SFI1: variants seen among roughly 807,000 people sequenced by gnomAD.
The protein encoded by SFI1 is SFI1 centrin binding protein, also known as protein SFI1 homolog.
SFI1 carries 195 observed loss-of-function variants against 207.5 expected under a neutral mutation model. That is an observed-to-expected ratio of 0.94 (90% CI 0.84 to 1.06). The LOEUF is 1.06. Among genes scored for constraint, SFI1 ranks in the 50% least tolerant of loss-of-function variants. SFI1 has a pLI of 0.00. For synonymous variants in SFI1, 630 were observed against 598.9 expected, an observed-to-expected ratio of 1.05 and a Z score of -0.76; for missense variants, 1,634 against 1,588.0, an observed-to-expected ratio of 1.03 and a Z score of -0.49.
At chr22:31,533,643 C>A (rs1468129497) in intron 4 of SFI1, among the ~76,000 whole-genome samples, 1 of 152,150 alleles carries the variant, frequency 6.6e-6, no homozygotes, top group Non-Finnish European at 1.5e-5. Flanking sequence ...CATGTTACTC[C>A]CTTGTTTTCA....
intron 21 of SFI1, chr22:31,606,854 C>T (rs573090926): frequency 6.9e-5 from 11 of 158,376 alleles, no homozygotes; most frequent in Non-Finnish European, 1.4e-4. Context: ...TGCGCCACCA[C>T]GTCCGACTAA....
chr22:31,557,281 C>A (rs143882292), intron 7 of SFI1, among the ~76,000 whole-genome samples: 76 of 152,208 alleles, frequency 5.0e-4, no homozygotes, highest in Non-Finnish European at 7.4e-4. Context: ...CAGGTTCAAG[C>A]AGTCCTTCCA....
At position 31,602,860 on chromosome 22, in the gene SFI1, CCAAGTGCCTGTCTG is replaced by C. The variant is rs773818921; in HGVS notation, c.1805+76_1805+89del. 1,594 of 1,505,326 alleles carry C rather than the reference CCAAGTGCCTGTCTG, an allele frequency of 1.1e-3. 3 individuals are homozygous for C. Among genetic ancestry groups the C allele is most frequent in the Non-Finnish European group, 1.1e-3 (1,164 of 1,108,288 alleles). 93.2% of individuals were successfully genotyped at this position (1,505,326 alleles called of 1,614,324 possible). A position where few individuals can be genotyped will look rare whatever the true frequency, so the allele number is the denominator to read the frequency against. On this transcript the variant is annotated intron_variant, in intron 17 of 32. Transcript: ENST00000400288. ...GCTTGTTCTAGCAGCACCATGAGCT[CCAAGTGCCTGTCTG>C]GAGGACTGCATTACCCCAGACTCTG... is the stretch of plus-strand genomic sequence containing the variant.
Position 31,573,119 on chromosome 22 carries a change from C to G in SFI1, c.827C>G (p.Ser276Cys), listed in dbSNP as rs575791278. 2 of 1,614,004 alleles carry G rather than the reference C, an allele frequency of 1.2e-6. No homozygotes were observed. Among genetic ancestry groups the G allele is most frequent in the East Asian group, 2.2e-5 (1 of 44,846 alleles). ...YVQKEKQKVV[S>C]AVKHHQHWQK... ...CAGAAGGAGAAACAAAAGGTTGTCTCTGCAGTGAAACATCATCAGCACTGG... is the reference window on the plus strand; with the variant it reads ...CAGAAGGAGAAACAAAAGGTTGTCTGTGCAGTGAAACATCATCAGCACTGG... Residue 276 changes from serine to cysteine, a missense_variant, in exon 9 of 33, where the codon TCT becomes TGT. By Grantham distance (112) the Ser-to-Cys change is moderately radical (BLOSUM62 -1). Transcript: ENST00000400288.
intron 8 of SFI1, among the ~76,000 whole-genome samples, chr22:31,562,367 C>T (rs538345296): frequency 3.1e-4 from 46 of 150,792 alleles, no homozygotes; most frequent in Non-Finnish European, 2.9e-5. Flanking sequence ...ACACAGTTCT[C>T]GCCAATAATA....
chr22:31,601,215 C>A (rs368611350), intron 15 of SFI1, among the ~76,000 whole-genome samples: 1,602 of 151,380 alleles, frequency 0.011, 8 homozygotes, highest in Middle Eastern at 0.027. Context: ...GCTCCGCCTC[C>A]CGGGTTCATG....
chr22:31,540,688 T>C (rs144856821), intron 4 of SFI1, among the ~76,000 whole-genome samples: 1,746 of 151,958 alleles, frequency 0.011, 10 homozygotes, highest in Middle Eastern at 0.031. Flanking sequence ...TCATGCGAGT[T>C]GCCTGCTTCA....
chr22:31,609,957 C>T (rs190094658), intron 22 of SFI1, among the ~76,000 whole-genome samples: 2 of 152,272 alleles, frequency 1.3e-5, no homozygotes, highest in Admixed American at 6.5e-5. Context: ...TGAGTGTTGC[C>T]GGAAGCCGCT....
intron 15 of SFI1, among the ~76,000 whole-genome samples, chr22:31,595,071 A>C (rs2066896591): frequency 6.6e-6 from 1 of 151,878 alleles, no homozygotes; most frequent in Admixed American, 6.6e-5. Context: ...ATCTTGACTC[A>C]CGGCAAACTC....
chr22:31,589,374 G>A, intron 14 of SFI1, 73 bp from the exon 15 acceptor site: 1 of 1,303,124 alleles, frequency 7.7e-7, no homozygotes, highest in Non-Finnish European at 1.0e-6. Context: ...CCTCCCACAA[G>A]GGTGTGACCC....
intron 8 of SFI1, among the ~76,000 whole-genome samples, chr22:31,565,123 C>G (rs1040221244): frequency 1.3e-5 from 2 of 151,864 alleles, no homozygotes; most frequent in Admixed American, 1.3e-4. Context: ...GTGCCCGGCC[C>G]AGAATTTTTT....
At chr22:31,594,031 G>GCAGAGGCAGAGC (rs1186858052) in intron 15 of SFI1, among the ~76,000 whole-genome samples, 1,427 of 134,398 alleles carry the variant, frequency 0.011, 30 homozygotes, top group African/African-American at 0.021. Flanking sequence ...GGAGAGGGAG[G>GCAGAGGCAGAGC]TGTCCATCTT....
intron 2 of SFI1, among the ~76,000 whole-genome samples, chr22:31,525,860 C>G (rs945448870): frequency 3.3e-5 from 5 of 152,094 alleles, no homozygotes; most frequent in Admixed American, 1.3e-4. Flanking sequence ...GTTACTACAG[C>G]TTTGTGGTTT....
In SFI1 at chr22:31,522,275, C is replaced by T. The variant is rs555247287; in HGVS notation, c.93-6415C>T. ...TAGAGACAGTGTTTCACCATGTTGG[C>T]CAGGCTGCTCTCGAACTCCTGATCC... On this transcript the variant is annotated intron_variant, in intron 2 of 32. Coordinates refer to ENST00000400288, the MANE Select transcript of SFI1 (RefSeq NM_001007467.3). Among the ~76,000 whole-genome samples the T allele has an allele frequency of 1.3e-4, 19 of 152,000 alleles. No homozygotes were observed. The East Asian group carries it at 1.9e-3, about 16-fold the overall frequency.
chr22:31,607,953 G>A lies in SFI1; in HGVS notation c.2174G>A (p.Arg725Gln), dbSNP rs201357213. Residue 725 changes from arginine to glutamine, a missense_variant, in exon 22 of 33, where the codon CGG (arginine) becomes CAG (glutamine). Transcript: ENST00000400288. ...TICSKVLVQW[R>Q]EAVSVQMYYR... ...TGCCCATAGGTCCTGGTCCAGTGGC[G>A]GGAAGCTGTGTCAGTGCAGATGTAT... The A allele has an allele frequency of 2.5e-3, 4,013 of 1,613,806 alleles. 36 individuals are homozygous for A. Among genetic ancestry groups the A allele is most frequent in the Non-Finnish European group, 1.9e-3 (2,192 of 1,179,822 alleles).
chr22:31,589,176 AAGAG>A (rs994911602), intron 14 of SFI1, among the ~76,000 whole-genome samples: 3 of 147,360 alleles, frequency 2.0e-5, no homozygotes, highest in Admixed American at 1.4e-4. Context: ...AGCCAGGGGG[AAGAG>A]AGAGTGAGTG....
chr22:31,552,675 G>A (rs1298219781), intron 6 of SFI1, among the ~76,000 whole-genome samples: 8 of 152,038 alleles, frequency 5.3e-5, no homozygotes, highest in African/African-American at 1.7e-4. Flanking sequence ...ATTTCTCTTC[G>A]TTTGGGTAGA....
intron 11 of SFI1, 148 bp downstream of exon 11, chr22:31,578,600 CCTT>C (rs1286544555): frequency 6.4e-6 from 4 of 626,520 alleles, no homozygotes; most frequent in African/African-American, 5.5e-5. Flanking sequence ...TTGTGGGTGT[CCTT>C]CTTTTCATTT....
chr22:31,616,941 A>G lies in SFI1; in HGVS notation c.3434-59A>G, dbSNP rs2147485469. On this transcript the variant is annotated intron_variant, in intron 30 of 32. Transcript: ENST00000400288. ...GCCACTCCCGGACCTGGGACTTGCTATTTACCCTGGTCCCCGAGGGGAAAA... is the reference window on the plus strand; with the variant it reads ...GCCACTCCCGGACCTGGGACTTGCTGTTTACCCTGGTCCCCGAGGGGAAAA... The G allele has an allele frequency of 3.1e-6, 5 of 1,613,134 alleles. No individual in the cohort carries two copies. In the South Asian group the frequency reaches 4.4e-5, roughly 14 times the overall value.
Sources: gnomAD v4.1 joint callset for allele counts (sites outside exome capture counted in the v4.1 genomes callset) on GRCh38, gnomAD v4.1.1 for gene constraint, MANE v1.5 for transcripts, NCBI Gene and HGNC (gene_info 2026-07-23, HGNC 2026-07-21) for gene names.